The following PRKCB variants were observed in gnomAD, a reference collection of about 807,000 sequenced individuals.
The protein encoded by PRKCB is protein kinase C beta type.
Under a neutral mutation model 81.5 loss-of-function variants are expected in PRKCB, and 13 were observed. That is an observed-to-expected ratio of 0.16 (90% confidence interval 0.10 to 0.25). The LOEUF is 0.25. Ranked by LOEUF, PRKCB falls within the 10% of genes least tolerant of loss-of-function variation. The pLI, the probability that PRKCB is intolerant of heterozygous loss-of-function variation, is 1.00. For missense variants in PRKCB, 509 were observed against 875.7 expected (o/e 0.58, Z 5.29); for synonymous variants, 335 against 321.4 (o/e 1.04, Z -0.45).
In PRKCB at chr16:24,219,487, T is replaced by A; in HGVS notation, c.*4671T>A. On this transcript the variant is annotated 3_prime_UTR_variant, in exon 17 of 17. Transcript: ENST00000643927. Reference sequence around the variant, plus strand: ...CCATTCTGCCTTCTTGGGGGCAGAGTAGATGGGCAGCAGTTCACCTTTTCA... The same window carrying A: ...CCATTCTGCCTTCTTGGGGGCAGAGAAGATGGGCAGCAGTTCACCTTTTCA... 1.0e-6 allele frequency: 1 copy of A among 987,446 alleles called. No homozygotes were observed. Among genetic ancestry groups the A allele is most frequent in the South Asian group, 4.7e-5 (1 of 21,458 alleles). The allele number at this position is 987,446 out of a possible 1,614,324, so 61.2% of individuals were successfully genotyped here.
Position 24,135,224 on chromosome 16 carries a change from C to T in PRKCB, c.1065+11243C>T, listed in dbSNP as rs185513745. On this transcript the variant is annotated intron_variant, in intron 9 of 16. Coordinates refer to ENST00000643927, the MANE Select transcript of PRKCB (RefSeq NM_002738.7). ...CTCCCTCTGCAGCCTCCAAACTTTT[C>T]TTCCCAAAGGCCAGGGTGCTTAACT... is the stretch of plus-strand genomic sequence containing the variant. Among the ~76,000 whole-genome samples the T allele has an allele frequency of 1.1e-3, 163 of 151,874 alleles. 2 individuals are homozygous for T. Among genetic ancestry groups the T allele is most frequent in the African/African-American group, 3.9e-3 (160 of 41,390 alleles).
intron 16 of PRKCB, among the ~76,000 whole-genome samples, chr16:24,206,310 G>A (rs917239931): frequency 5.9e-5 from 9 of 152,184 alleles, no homozygotes; most frequent in African/African-American, 1.4e-4. Context: ...GCATAGGAAC[G>A]ACCCTGCATT....
At chr16:24,188,198 T>C (rs16973365) in intron 15 of PRKCB, among the ~76,000 whole-genome samples, 5,362 of 152,258 alleles carry the variant, frequency 0.035, 325 homozygotes, top group African/African-American at 0.12. Flanking sequence ...GTGACTCTCT[T>C]ACTATTGAGT....
At chr16:24,009,701 C>G (rs926192546) in intron 3 of PRKCB, among the ~76,000 whole-genome samples, 5 of 151,940 alleles carry the variant, frequency 3.3e-5, no homozygotes, top group Non-Finnish European at 7.4e-5. Flanking sequence ...AAACAGTTTG[C>G]CTGCTTTTGA....
chr16:24,214,262 C>A (rs574158312), intron 16 of PRKCB, among the ~76,000 whole-genome samples: 1 of 152,236 alleles, frequency 6.6e-6, no homozygotes, highest in East Asian at 1.9e-4. Context: ...GCATCTTGCA[C>A]CACCTGAAAC....
chr16:24,124,709 G>A (rs150679480), intron 9 of PRKCB, among the ~76,000 whole-genome samples: 2 of 152,158 alleles, frequency 1.3e-5, no homozygotes, highest in East Asian at 1.9e-4. Flanking sequence ...GTCTCTTTGC[G>A]TGCCACAAAG....
At chr16:23,954,477 G>T (rs959001039) in intron 2 of PRKCB, among the ~76,000 whole-genome samples, 2 of 152,218 alleles carry the variant, frequency 1.3e-5, no homozygotes, top group African/African-American at 4.8e-5. Flanking sequence ...GCCATGGCTA[G>T]TCATTTCATC....
chr16:23,871,958 G>A (rs1203202872), intron 2 of PRKCB, among the ~76,000 whole-genome samples: 3 of 151,684 alleles, frequency 2.0e-5, no homozygotes, highest in Admixed American at 1.3e-4. Flanking sequence ...TTGGGAGAGC[G>A]GGGTCCTTGC....
At chr16:23,982,402 T>C (rs1964750926) in intron 2 of PRKCB, among the ~76,000 whole-genome samples, 1 of 149,686 alleles carries the variant, frequency 6.7e-6, no homozygotes. Context: ...TCGCTTCTGC[T>C]TCCCTTCCCC....
chr16:23,981,002 T>C (rs1964693494), intron 2 of PRKCB, among the ~76,000 whole-genome samples: 1 of 151,996 alleles, frequency 6.6e-6, no homozygotes, highest in Non-Finnish European at 1.5e-5. Context: ...ACTCCTTCCA[T>C]CTGGGATTAA....
At chr16:23,912,178 A>G (rs1963668491) in intron 2 of PRKCB, among the ~76,000 whole-genome samples, 1 of 152,048 alleles carries the variant, frequency 6.6e-6, no homozygotes, top group African/African-American at 2.4e-5. Context: ...TTCAGAGATC[A>G]TCTTTCACTT....
chr16:23,975,021 G>A (rs529579193), intron 2 of PRKCB, among the ~76,000 whole-genome samples: 6 of 152,314 alleles, frequency 3.9e-5, no homozygotes, highest in Admixed American at 1.3e-4. Flanking sequence ...ACTGCATACC[G>A]TGGAGAAAGG....
At chr16:23,911,137 T>TTTTTTTTTTTTTTG (rs1567310918) in intron 2 of PRKCB, among the ~76,000 whole-genome samples, 1 of 109,544 alleles carries the variant, frequency 9.1e-6, no homozygotes, top group Non-Finnish European at 1.9e-5. Context: ...GCTTTTTTTT[T>TTTTTTTTTTTTTTG]TTTTTTTTTT....
chr16:24,004,399 G>A (rs1307384039), intron 3 of PRKCB, among the ~76,000 whole-genome samples: 2 of 151,126 alleles, frequency 1.3e-5, no homozygotes, highest in East Asian at 3.9e-4. Context: ...AAGCATAAAC[G>A]GGGGCAGATG....
chr16:23,926,951 A>G (rs1963905101), intron 2 of PRKCB, among the ~76,000 whole-genome samples: 1 of 152,148 alleles, frequency 6.6e-6, no homozygotes, highest in Non-Finnish European at 1.5e-5. Context: ...TTTATCCATT[A>G]AAGTATTTAT....
At chr16:24,159,083 A>G (rs969923018) in intron 10 of PRKCB, among the ~76,000 whole-genome samples, 5 of 151,970 alleles carry the variant, frequency 3.3e-5, no homozygotes. Context: ...AGCCATGGTC[A>G]CCTCTCACCT....
chr16:23,929,541 T>G (rs1454312556), intron 2 of PRKCB, among the ~76,000 whole-genome samples: 1 of 152,120 alleles, frequency 6.6e-6, no homozygotes, highest in African/African-American at 2.4e-5. Context: ...CTGCAGTGTC[T>G]GGAATTCAGC....
chr16:23,976,123 C>A (rs62029575), intron 2 of PRKCB, among the ~76,000 whole-genome samples: 12,755 of 152,020 alleles, frequency 0.084, 683 homozygotes, highest in South Asian at 0.15. Context: ...CCTGGTCAAC[C>A]TAGTGAGACC....
intron 10 of PRKCB, among the ~76,000 whole-genome samples, chr16:24,157,444 C>T (rs1567395477): frequency 6.6e-6 from 1 of 151,922 alleles, no homozygotes; most frequent in Non-Finnish European, 1.5e-5. Flanking sequence ...GACTTTTACC[C>T]CACTTCGCTC....
Sources: allele counts gnomAD v4.1 joint callset (sites outside exome capture counted in the v4.1 genomes callset), GRCh38; gene constraint gnomAD v4.1.1; transcripts MANE v1.5; gene names NCBI Gene and HGNC (gene_info 2026-07-23, HGNC 2026-07-21).